The following PAX3 variants were observed in gnomAD, a reference collection of about 807,000 sequenced individuals.
The protein encoded by PAX3 is paired box protein Pax-3.
A neutral mutation model predicts 51.6 loss-of-function variants in PAX3; 14 were observed. The ratio of observed to expected loss-of-function variants is 0.27; its 90% confidence interval spans 0.18 to 0.42. PAX3 has a LOEUF of 0.42. Among genes scored for constraint, PAX3 ranks in the 10% least tolerant of loss-of-function variants. PAX3 has a pLI of 1.00. For synonymous variants in PAX3, 280 were observed against 253.4 expected, an observed-to-expected ratio of 1.11 and a Z score of -1.00; for missense variants, 540 against 642.8, an observed-to-expected ratio of 0.84 and a Z score of 1.73.
chr2:222,218,285 A>T (rs543939474), intron 7 of PAX3, among the ~76,000 whole-genome samples: 3 of 152,336 alleles, frequency 2.0e-5, no homozygotes, highest in East Asian at 1.9e-4. Context: ...TTAGGAGATC[A>T]CATTCTAGCA....
At chr2:222,205,825 A>G (rs951863861) in intron 7 of PAX3, among the ~76,000 whole-genome samples, 7 of 152,130 alleles carry the variant, frequency 4.6e-5, no homozygotes, top group African/African-American at 1.7e-4. Flanking sequence ...ACTTTCATGT[A>G]TGTTTCTTTA....
intron 4 of PAX3, among the ~76,000 whole-genome samples, chr2:222,235,323 A>G (rs1692759843): frequency 6.6e-6 from 1 of 152,142 alleles, no homozygotes; most frequent in African/African-American, 2.4e-5. Context: ...TAGGCACTCA[A>G]TAAGGACACG....
intron 4 of PAX3, among the ~76,000 whole-genome samples, chr2:222,244,435 G>T (rs1026812510): frequency 2.0e-5 from 3 of 152,126 alleles, no homozygotes; most frequent in Admixed American, 1.3e-4. Context: ...CCAAAGACTG[G>T]TTTTTAAGGA....
intron 4 of PAX3, among the ~76,000 whole-genome samples, chr2:222,268,005 A>G (rs1249681810): frequency 6.6e-6 from 1 of 152,232 alleles, no homozygotes; most frequent in Admixed American, 6.5e-5. Flanking sequence ...TACAAAGGCC[A>G]TAACTTTTAT....
intron 2 of PAX3, among the ~76,000 whole-genome samples, chr2:222,296,450 T>C (rs1192586418): frequency 6.6e-6 from 1 of 152,242 alleles, no homozygotes; most frequent in African/African-American, 2.4e-5. Flanking sequence ...ACTGCTTATT[T>C]TTTTTTAATG....
chr2:222,247,344 G>A (rs1257978013), intron 4 of PAX3, among the ~76,000 whole-genome samples: 1 of 152,038 alleles, frequency 6.6e-6, no homozygotes, highest in East Asian at 1.9e-4. Context: ...AACTAACAAT[G>A]TAACTAAATT....
chr2:222,296,326 G>C (rs766069335), intron 2 of PAX3, among the ~76,000 whole-genome samples: 7 of 152,210 alleles, frequency 4.6e-5, no homozygotes, highest in Non-Finnish European at 8.8e-5. Context: ...GATTTTGCCC[G>C]GTGGCAACTA....
At chr2:222,250,550 T>C (rs1287147997) in intron 4 of PAX3, among the ~76,000 whole-genome samples, 1 of 152,178 alleles carries the variant, frequency 6.6e-6, no homozygotes, top group Non-Finnish European at 1.5e-5. Context: ...GGGCCAGACA[T>C]AGGCCAAACT....
chr2:222,217,921 C>G (rs1282135617), intron 7 of PAX3, among the ~76,000 whole-genome samples: 1 of 152,106 alleles, frequency 6.6e-6, no homozygotes, highest in South Asian at 2.1e-4. Context: ...TCCACTGTTG[C>G]ATAAATATGT....
chr2:222,232,819 G>GT (rs1038673161), intron 4 of PAX3: 4 of 157,332 alleles, frequency 2.5e-5, no homozygotes, highest in Non-Finnish European at 4.2e-5. Context: ...TAAGAAGCGA[G>GT]TAACAGTTAA....
At position 222,230,104 on chromosome 2, in the gene PAX3, A is replaced by G. The variant is rs1692528577; in HGVS notation, c.792+1974T>C. 2.6e-5 allele frequency among the ~76,000 whole-genome samples: 4 copies of G among 152,048 alleles called. 1 individual carries two copies. In the South Asian group the frequency reaches 8.3e-4, roughly 32 times the overall value. ...GGTGGGAGGATCACCTGAGCTCAGG[A>G]GGTGTAGGCTTCAGTGAGCTGTGAT... is the stretch of plus-strand genomic sequence containing the variant. On this transcript the variant is annotated intron_variant, in intron 5 of 8. Coordinates refer to ENST00000392070, the MANE Select transcript of PAX3 (RefSeq NM_181458.4).
At chr2:222,221,949 G>T (rs920572980) in intron 5 of PAX3, among the ~76,000 whole-genome samples, 5 of 151,588 alleles carry the variant, frequency 3.3e-5, no homozygotes, top group African/African-American at 1.2e-4. Context: ...CACTGATCTC[G>T]GTGGAAATAA....
intron 4 of PAX3, chr2:222,287,601 A>G (rs1694876471): frequency 1.3e-5 from 2 of 152,244 alleles, no homozygotes; most frequent in South Asian, 4.1e-4. Flanking sequence ...TATATGACAA[A>G]GAACTATCTA....
intron 7 of PAX3, among the ~76,000 whole-genome samples, chr2:222,203,145 GAA>G (rs111239831): frequency 7.3e-6 from 1 of 136,358 alleles, no homozygotes; most frequent in African/African-American, 2.7e-5. Flanking sequence ...AGACAACTTG[GAA>G]AAAAAAAAAT....
chr2:222,219,997 A>T, intron 7 of PAX3, 143 bp downstream of exon 7: 1 of 739,408 alleles, frequency 1.4e-6, no homozygotes, highest in East Asian at 2.7e-5. Flanking sequence ...GAGAGAAAGG[A>T]AACCAGAAAA....
chr2:222,225,655 G>T (rs893632859), intron 5 of PAX3, among the ~76,000 whole-genome samples: 1 of 152,112 alleles, frequency 6.6e-6, no homozygotes, highest in African/African-American at 2.4e-5. Flanking sequence ...ATATCTGGGG[G>T]TCTCTGTTTT....
chr2:222,271,998 T>C (rs1694267808), intron 4 of PAX3, among the ~76,000 whole-genome samples: 1 of 152,180 alleles, frequency 6.6e-6, no homozygotes, highest in African/African-American at 2.4e-5. Context: ...TGGACCTCTC[T>C]CCTGAAGGTT....
intron 4 of PAX3, among the ~76,000 whole-genome samples, chr2:222,239,405 G>C (rs906935518): frequency 6.6e-6 from 1 of 152,084 alleles, no homozygotes; most frequent in Non-Finnish European, 1.5e-5. Context: ...TCAGTTGAGA[G>C]ACTTCAGCAC....
chr2:222,295,398 T>G (rs923310437), intron 3 of PAX3, 130 bp downstream of exon 3: 43 of 1,099,266 alleles, frequency 3.9e-5, no homozygotes, highest in Non-Finnish European at 5.4e-5. Flanking sequence ...TGGCAAATAT[T>G]GCAGGGCCTC....
Sources: allele counts gnomAD v4.1 joint callset (sites outside exome capture counted in the v4.1 genomes callset), GRCh38; gene constraint gnomAD v4.1.1; transcripts MANE v1.5; gene names NCBI Gene and HGNC (gene_info 2026-07-23, HGNC 2026-07-21).